The following NHEJ1 variants were observed in gnomAD, a reference collection of about 807,000 sequenced individuals.
NHEJ1 encodes the protein non-homologous end joining factor 1.
Under a neutral mutation model 39.4 loss-of-function variants are expected in NHEJ1, and 22 were observed. That is an observed-to-expected ratio of 0.56 (90% confidence interval 0.40 to 0.80). NHEJ1 has a LOEUF of 0.80. Among genes scored for constraint, NHEJ1 ranks in the 30% least tolerant of loss-of-function variants. NHEJ1 has a pLI of 0.00. For synonymous variants in NHEJ1, 154 were observed against 135.6 expected, an observed-to-expected ratio of 1.14 and a Z score of -0.94; for missense variants, 329 against 357.1, an observed-to-expected ratio of 0.92 and a Z score of 0.63.
intron 5 of NHEJ1, among the ~76,000 whole-genome samples, chr2:219,139,092 T>G (rs1949665362): frequency 6.6e-6 from 1 of 152,116 alleles, no homozygotes; most frequent in South Asian, 2.1e-4. Flanking sequence ...TTCTTTTCTT[T>G]TTCTTTTTTT....
chr2:219,118,219 A>C (rs1468627992), intron 5 of NHEJ1, among the ~76,000 whole-genome samples: 2 of 152,166 alleles, frequency 1.3e-5, no homozygotes, highest in African/African-American at 4.8e-5. Flanking sequence ...CTCAGTTTAT[A>C]AAGGCTCTTC....
At chr2:219,099,833 C>T (rs1013508837) in intron 5 of NHEJ1, among the ~76,000 whole-genome samples, 1 of 151,948 alleles carries the variant, frequency 6.6e-6, no homozygotes, top group African/African-American at 2.4e-5. Context: ...AAGTAATGCT[C>T]GAGGAAGAGA....
intron 5 of NHEJ1, among the ~76,000 whole-genome samples, chr2:219,115,141 AC>A (rs1450149350): frequency 7.6e-6 from 1 of 131,578 alleles, no homozygotes; most frequent in Non-Finnish European, 1.6e-5. Flanking sequence ...AAAGAATCCC[AC>A]CGTATTTTAA....
chr2:219,101,253 T>C (rs1949257494), intron 5 of NHEJ1, among the ~76,000 whole-genome samples: 1 of 152,154 alleles, frequency 6.6e-6, no homozygotes, highest in Non-Finnish European at 1.5e-5. Context: ...TAGCTGGGAT[T>C]ACAGGCGCGT....
chr2:219,154,769 C>T (rs1341013373), intron 3 of NHEJ1, among the ~76,000 whole-genome samples: 1 of 151,324 alleles, frequency 6.6e-6, no homozygotes, highest in Non-Finnish European at 1.5e-5. Context: ...CCTTCCTAAA[C>T]ACTGTTGTCT....
intron 1 of NHEJ1, among the ~76,000 whole-genome samples, chr2:219,159,564 C>CATATATATATGCATATATATATATGCAT: frequency 1.6e-5 from 1 of 61,760 alleles, no homozygotes; most frequent in South Asian, 4.7e-4. Context: ...TATATATATG[C>CATATATATATGCATATATATATATGCAT]ATATATATAT....
chr2:219,156,012 G>A (rs1574748382), intron 3 of NHEJ1, among the ~76,000 whole-genome samples: 1 of 151,790 alleles, frequency 6.6e-6, no homozygotes, highest in African/African-American at 2.4e-5. Context: ...CACTTTGGGA[G>A]GCCGAGGTGG....
rs753044930 is a variant in NHEJ1, at chr2:219,076,436, T to G, written c.845A>C (p.Gln282Pro). Residue 282 changes from glutamine (Q) to proline (P), a missense_variant, in exon 8 of 8, where the codon CAG (glutamine) becomes CCG (proline). Coordinates refer to ENST00000356853, the MANE Select transcript of NHEJ1 (RefSeq NM_024782.3). ...CTTGACCTTTGACAGCTGAGGTCTC[T>G]GCAGAGGGCCTGAAGTACCCTAGAA... ...KESTGTSGPL[Q>P]RPQLSKVKRK... 10 of 1,614,080 alleles carry G rather than the reference T, an allele frequency of 6.2e-6. No homozygotes were observed. In the South Asian group the frequency reaches 1.1e-4, roughly 18 times the overall value.
intron 5 of NHEJ1, among the ~76,000 whole-genome samples, chr2:219,141,738 G>A (rs923080101): frequency 5.3e-5 from 8 of 152,072 alleles, no homozygotes; most frequent in African/African-American, 1.7e-4. Flanking sequence ...GGTATTCAGC[G>A]ATGTACCAAC....
At chr2:219,077,952 G>T (rs1234500390) in intron 6 of NHEJ1, 137 bp downstream of exon 6, 2 of 716,428 alleles carry the variant, frequency 2.8e-6, no homozygotes, top group Admixed American at 4.4e-5. Context: ...AAGAGAAAAT[G>T]CATTTTTAGT....
chr2:219,122,821 G>A (rs555105019), intron 5 of NHEJ1, among the ~76,000 whole-genome samples: 1 of 152,132 alleles, frequency 6.6e-6, no homozygotes, highest in Non-Finnish European at 1.5e-5. Flanking sequence ...TGTGGCTTTC[G>A]GGAACAGCAG....
chr2:219,160,164 C>CGGAG (rs1338847359), intron 1 of NHEJ1, among the ~76,000 whole-genome samples: 1 of 152,168 alleles, frequency 6.6e-6, no homozygotes. Context: ...GGCATCCCGG[C>CGGAG]GGAGGGGTCC....
intron 5 of NHEJ1, among the ~76,000 whole-genome samples, chr2:219,102,228 G>A (rs1949268566): frequency 6.6e-6 from 1 of 152,092 alleles, no homozygotes; most frequent in South Asian, 2.1e-4. Flanking sequence ...CCAAAAAAAC[G>A]CCCTCGAAAA....
chr2:219,099,845 T>C (rs370096061), intron 5 of NHEJ1, among the ~76,000 whole-genome samples: 1 of 152,076 alleles, frequency 6.6e-6, no homozygotes, highest in East Asian at 1.9e-4. Flanking sequence ...AGGAAGAGAC[T>C]GAAGATAAAG....
At chr2:219,133,396 T>C (rs572604971) in intron 5 of NHEJ1, among the ~76,000 whole-genome samples, 1 of 152,270 alleles carries the variant, frequency 6.6e-6, no homozygotes, top group African/African-American at 2.4e-5. Context: ...GAGAGAGTCC[T>C]CTCATGACAC....
At chr2:219,131,262 C>CG (rs1206275133) in intron 5 of NHEJ1, among the ~76,000 whole-genome samples, 1 of 152,096 alleles carries the variant, frequency 6.6e-6, no homozygotes, top group Non-Finnish European at 1.5e-5. Context: ...CTATACATTG[C>CG]GGGGGTCACC....
At chr2:219,154,937 T>C (rs1574747416) in intron 3 of NHEJ1, among the ~76,000 whole-genome samples, 2 of 147,162 alleles carry the variant, frequency 1.4e-5, no homozygotes, top group African/African-American at 4.9e-5. Flanking sequence ...TAATATAACA[T>C]ATAATATATG....
chr2:219,076,115 C>T lies in NHEJ1; in HGVS notation c.*266G>A, dbSNP rs1949010882. The T allele has an allele frequency of 3.0e-6, 2 of 659,026 alleles. No individual in the cohort carries two copies. The highest frequency in any genetic ancestry group is 5.0e-6 in the Non-Finnish European group (2 of 396,406). 40.8% of individuals were successfully genotyped at this position (659,026 alleles called of 1,614,324 possible). On this transcript the variant is annotated 3_prime_UTR_variant, in exon 8 of 8. Transcript: ENST00000356853. ...CTTTCTTGCTGACTTGCCCTATATA[C>T]CTAAAGTCCATGGTAGAAACCTGAA...
chr2:219,105,213 TGTTA>T (rs1339962352), intron 5 of NHEJ1, among the ~76,000 whole-genome samples: 11 of 152,140 alleles, frequency 7.2e-5, no homozygotes, highest in African/African-American at 2.7e-4. Flanking sequence ...TAACATAGGG[TGTTA>T]ATCAGAAGTA....
Sources: gnomAD v4.1 joint callset for allele counts (sites outside exome capture counted in the v4.1 genomes callset) on GRCh38, gnomAD v4.1.1 for gene constraint, MANE v1.5 for transcripts, NCBI Gene and HGNC (gene_info 2026-07-23, HGNC 2026-07-21) for gene names.